ACTN1: variants seen among roughly 807,000 people sequenced by gnomAD.
ACTN1 encodes the protein actinin alpha 1.
ACTN1 carries 30 observed loss-of-function variants against 119.6 expected under a neutral mutation model. The ratio of observed to expected loss-of-function variants is 0.25; its 90% confidence interval spans 0.19 to 0.34. The LOEUF is 0.34. Ranked by LOEUF, ACTN1 falls within the 10% of genes least tolerant of loss-of-function variation. The pLI is 1.00. For synonymous variants in ACTN1, 429 were observed against 472.6 expected (o/e 0.91, Z 1.20); for missense variants, 764 against 1,223.4 (o/e 0.62, Z 5.60).
At chr14:68,951,101 G>A (rs2036150215) in intron 1 of ACTN1, among the ~76,000 whole-genome samples, 1 of 152,074 alleles carries the variant, frequency 6.6e-6, no homozygotes, top group Non-Finnish European at 1.5e-5. Context: ...GGCCTTCCCT[G>A]GCCCCCCGCC....
chr14:68,886,437 TCTTTC>T (rs2032011835), intron 11 of ACTN1: 1 of 152,248 alleles, frequency 6.6e-6, no homozygotes, highest in Admixed American at 6.5e-5. Context: ...TCCTATTCAG[TCTTTC>T]CTTATGTGGA....
At chr14:68,921,245 G>C in intron 2 of ACTN1, 120 bp from the exon 3 acceptor site, 1 of 1,311,946 alleles carries the variant, frequency 7.6e-7, no homozygotes, top group Non-Finnish European at 1.0e-6. Context: ...GTGCATGTGT[G>C]CACGTGTGTG....
chr14:68,916,483 C>T (rs1470126781), intron 3 of ACTN1, among the ~76,000 whole-genome samples: 2 of 152,226 alleles, frequency 1.3e-5, no homozygotes. Context: ...AAAACAGAGG[C>T]GCCAAGCACG....
chr14:68,877,283 G>T, intron 20 of ACTN1, 43 bp from the exon 21 acceptor site: 1 of 1,610,456 alleles, frequency 6.2e-7, no homozygotes, highest in Non-Finnish European at 8.5e-7. Context: ...CCCATGGCCT[G>T]CTGGGAATAT....
At chr14:68,889,091 G>A (rs2140138332) in intron 11 of ACTN1, among the ~76,000 whole-genome samples, 1 of 152,306 alleles carries the variant, frequency 6.6e-6, no homozygotes, top group Non-Finnish European at 1.5e-5. Flanking sequence ...AGCTGAAATG[G>A]CCGGAGGGGC....
At chr14:68,924,624 A>G in intron 2 of ACTN1, among the ~76,000 whole-genome samples, 1 of 152,262 alleles carries the variant, frequency 6.6e-6, no homozygotes, top group East Asian at 1.9e-4. Flanking sequence ...CTGTCGGACA[A>G]GCCCTCTGGC....
At position 68,882,408 on chromosome 14, in the gene ACTN1, C is replaced by CG. The variant is rs375443127; in HGVS notation, c.1953+49dup. 6.6e-5 allele frequency: 75 copies of CG among 1,140,680 alleles called. No individual in the cohort carries two copies. Among genetic ancestry groups the CG allele is most frequent in the African/African-American group, 2.7e-4 (17 of 63,600 alleles). 70.7% of individuals were successfully genotyped at this position (1,140,680 alleles called of 1,614,324 possible). On this transcript the variant is annotated intron_variant, in intron 16 of 21. Transcript: ENST00000394419. The surrounding 1 kb of genome is among the most constrained non-coding windows in gnomAD (Gnocchi z 4.5). ...GCAGCCTGGCTGGCTAGGATAGTGT[C>CG]GGGGGGGAGGGGTGGGAGCCCCAGC...
intron 8 of ACTN1, among the ~76,000 whole-genome samples, chr14:68,900,587 TGCAGGGAAGAA>T (rs2033244075): frequency 6.6e-6 from 1 of 151,708 alleles, no homozygotes; most frequent in Admixed American, 6.6e-5. Context: ...TGATGCGGGG[TGCAGGGAAGAA>T]GCTGAGACCA....
At chr14:68,907,257 C>CT (rs540443272) in intron 6 of ACTN1, among the ~76,000 whole-genome samples, 4,786 of 74,278 alleles carry the variant, frequency 0.064, 249 homozygotes, top group African/African-American at 0.12. Context: ...GCAAGACTCT[C>CT]TTAAAAAAAA....
intron 1 of ACTN1, among the ~76,000 whole-genome samples, chr14:68,938,746 AG>A (rs1392035299): frequency 1.3e-5 from 2 of 152,228 alleles, no homozygotes; most frequent in African/African-American, 2.4e-5. Flanking sequence ...TGGACACATC[AG>A]GAGCCCAGTC....
Position 68,925,769 on chromosome 14 carries a change from C to T in ACTN1, c.106-97G>A, listed in dbSNP as rs2034893356. 1.1e-6 allele frequency: 1 copy of T among 903,248 alleles called. No homozygotes were observed. Among genetic ancestry groups the T allele is most frequent in the Non-Finnish European group, 1.7e-6 (1 of 583,696 alleles). The allele number at this position is 903,248 out of a possible 1,614,324, so 56.0% of individuals were successfully genotyped here. ...GGTGCCAGGGGGTGGGAGGTGGACA[C>T]CTACTCAGCAGAGCCTCTCAACACA... is the stretch of plus-strand genomic sequence containing the variant. On this transcript the variant is annotated intron_variant, in intron 1 of 21. Coordinates refer to ENST00000394419, the MANE Select transcript of ACTN1 (RefSeq NM_001130004.2). The surrounding 1 kb of genome is among the most constrained non-coding windows in gnomAD (Gnocchi z 4.3).
intron 1 of ACTN1, among the ~76,000 whole-genome samples, chr14:68,943,805 T>G (rs1347317943): frequency 6.6e-6 from 1 of 152,204 alleles, no homozygotes; most frequent in African/African-American, 2.4e-5. Flanking sequence ...CAAGGGCCAG[T>G]TCCCCACAGT....
At chr14:68,931,990 G>A (rs2035241474) in intron 1 of ACTN1, among the ~76,000 whole-genome samples, 2 of 151,958 alleles carry the variant, frequency 1.3e-5, no homozygotes, top group South Asian at 2.1e-4. Context: ...GAAAATGTTG[G>A]TTTAGAGGAT....
intron 1 of ACTN1, among the ~76,000 whole-genome samples, chr14:68,972,662 C>G (rs908119370): frequency 3.9e-5 from 6 of 152,136 alleles, no homozygotes; most frequent in Non-Finnish European, 7.4e-5. Flanking sequence ...AATGTTCTAC[C>G]CACGCAAGCA....
chr14:68,906,088 C>T (rs1203264006), intron 6 of ACTN1, among the ~76,000 whole-genome samples: 3 of 151,260 alleles, frequency 2.0e-5, no homozygotes, highest in Admixed American at 6.6e-5. Context: ...CAGGAAAGAA[C>T]GGGGAACTAC....
intron 21 of ACTN1, among the ~76,000 whole-genome samples, chr14:68,876,226 G>GAC (rs1295581312): frequency 2.6e-5 from 4 of 152,150 alleles, no homozygotes; most frequent in Admixed American, 1.3e-4. Context: ...TTGAACTCCT[G>GAC]ACCTGATCCA....
At chr14:68,923,368 G>T (rs185038702) in intron 2 of ACTN1, among the ~76,000 whole-genome samples, 1 of 152,310 alleles carries the variant, frequency 6.6e-6, no homozygotes, top group Admixed American at 6.5e-5. Flanking sequence ...GCAGGGCACA[G>T]TCCACTCAGA....
chr14:68,945,577 C>T (rs925597297), intron 1 of ACTN1, among the ~76,000 whole-genome samples: 7 of 152,098 alleles, frequency 4.6e-5, no homozygotes, highest in South Asian at 4.1e-4. Flanking sequence ...CACAAGATCA[C>T]GAAAAGGTCC....
intron 1 of ACTN1, among the ~76,000 whole-genome samples, chr14:68,953,474 GACC>G (rs1469003335): frequency 1.3e-5 from 2 of 152,154 alleles, no homozygotes; most frequent in African/African-American, 4.8e-5. Context: ...AAGCTCAGAG[GACC>G]ACATCTTACA....
Sources: gnomAD v4.1 joint callset for allele counts (sites outside exome capture counted in the v4.1 genomes callset) on GRCh38, gnomAD v4.1.1 for gene constraint, Gnocchi (gnomAD v3.1) non-coding constraint, MANE v1.5 for transcripts, NCBI Gene and HGNC (gene_info 2026-07-23, HGNC 2026-07-21) for gene names.